ANK3: variants seen among roughly 807,000 people sequenced by gnomAD.
ANK3 encodes the protein ankyrin-3.
ANK3 carries 57 observed loss-of-function variants against 370.9 expected under a neutral mutation model. The observed-to-expected ratio is 0.15, with a 90% confidence interval of 0.12 to 0.19. ANK3 has a LOEUF of 0.19. ANK3 is among the 10% of genes least tolerant of loss of function. The pLI is 1.00. For synonymous variants in ANK3, 1,929 were observed against 1,946.3 expected, an observed-to-expected ratio of 0.99 and a Z score of 0.23; for missense variants, 4,439 against 5,302.1, an observed-to-expected ratio of 0.84 and a Z score of 5.06.
At chr10:60,338,379 A>G (rs1361204953) in intron 1 of ANK3, among the ~76,000 whole-genome samples, 1 of 152,180 alleles carries the variant, frequency 6.6e-6, no homozygotes, top group Admixed American at 6.6e-5. Flanking sequence ...GTTCTGATTC[A>G]ATACACCTGG....
At chr10:60,474,416 T>C (rs933931739) in intron 2 of ANK3, among the ~76,000 whole-genome samples, 2 of 152,094 alleles carry the variant, frequency 1.3e-5, no homozygotes, top group Non-Finnish European at 2.9e-5. Flanking sequence ...AAGAGAAGGC[T>C]GCCAAGAAGA....
chr10:60,097,165 G>C (rs969381595), intron 28 of ANK3, among the ~76,000 whole-genome samples: 16 of 152,222 alleles, frequency 1.1e-4, no homozygotes, highest in Non-Finnish European at 2.1e-4. Flanking sequence ...GAAGTTCAGA[G>C]AGGTGAAGTG....
At chr10:60,379,957 C>T (rs1475686576) in intron 1 of ANK3, among the ~76,000 whole-genome samples, 1 of 152,026 alleles carries the variant, frequency 6.6e-6, no homozygotes, top group Non-Finnish European at 1.5e-5. Context: ...AACATCACTA[C>T]TTACCTCATG....
intron 25 of ANK3, among the ~76,000 whole-genome samples, chr10:60,122,146 A>G (rs112851476): frequency 0.013 from 1,994 of 152,326 alleles, 27 homozygotes; most frequent in African/African-American, 0.044. Flanking sequence ...CGATTTTTCC[A>G]GTTTGAAAAG....
At position 60,172,889 on chromosome 10, in the gene ANK3, T is replaced by G; in HGVS notation, c.2382+11A>C. On this transcript the variant is annotated intron_variant, in intron 20 of 43. Coordinates refer to ENST00000280772, the MANE Select transcript of ANK3 (RefSeq NM_020987.5). Reference sequence around the variant, plus strand: ...CCTCCCTCTTCTCCTGAGCTGGCCCTGAGCGCTTACCACAGTGAGTTCATT... The same window carrying G: ...CCTCCCTCTTCTCCTGAGCTGGCCCGGAGCGCTTACCACAGTGAGTTCATT... The G allele has an allele frequency of 1.2e-6, 2 of 1,600,930 alleles. No individual in the cohort carries two copies. The highest frequency in any genetic ancestry group is 1.7e-6 in the Non-Finnish European group (2 of 1,168,578).
At chr10:60,097,146 T>C (rs984074017) in intron 28 of ANK3, among the ~76,000 whole-genome samples, 2 of 152,194 alleles carry the variant, frequency 1.3e-5, no homozygotes, top group Non-Finnish European at 2.9e-5. Flanking sequence ...TTTGGTAAAA[T>C]AGGTGTCTGA....
intron 1 of ANK3, among the ~76,000 whole-genome samples, chr10:60,299,565 T>C (rs538789614): frequency 1.3e-5 from 2 of 152,270 alleles, no homozygotes; most frequent in Non-Finnish European, 2.9e-5. Flanking sequence ...TGAAAGGATA[T>C]AGGTAGAAAC....
chr10:60,207,273 A>G (rs2096778242), intron 10 of ANK3, among the ~76,000 whole-genome samples: 1 of 152,190 alleles, frequency 6.6e-6, no homozygotes, highest in Non-Finnish European at 1.5e-5. Context: ...AGACAGGATG[A>G]CCGCACTCTT....
At chr10:60,206,114 C>T (rs920739874) in intron 10 of ANK3, among the ~76,000 whole-genome samples, 7 of 152,106 alleles carry the variant, frequency 4.6e-5, no homozygotes, top group African/African-American at 1.7e-4. Context: ...TTATTACACT[C>T]TCCTGGTTAG....
chr10:60,593,749 A>G (rs945297098), intron 2 of ANK3, among the ~76,000 whole-genome samples: 1 of 152,210 alleles, frequency 6.6e-6, no homozygotes, highest in Non-Finnish European at 1.5e-5. Flanking sequence ...GTTCAAGGGA[A>G]CTGTGGTGAA....
chr10:60,297,006 G>T (rs1490586388), intron 1 of ANK3, among the ~76,000 whole-genome samples: 1 of 152,052 alleles, frequency 6.6e-6, no homozygotes, highest in African/African-American at 2.4e-5. Flanking sequence ...AAATAAAAAA[G>T]TATGCAGTGT....
chr10:60,320,270 G>A lies in ANK3; in HGVS notation c.115-40631C>T, dbSNP rs536236398. Among the ~76,000 whole-genome samples, 57 of 152,314 alleles carry A rather than the reference G, an allele frequency of 3.7e-4. No individual in the cohort carries two copies. In the South Asian group the frequency reaches 7.2e-3, roughly 19 times the overall value. Reference sequence around the variant, plus strand: ...AGGCTGGATAAAGGAGGGAGCTCACGGCTCCAGCTCTCTCTGGTCTTGTAT... The same window carrying A: ...AGGCTGGATAAAGGAGGGAGCTCACAGCTCCAGCTCTCTCTGGTCTTGTAT... On this transcript the variant is annotated intron_variant, in intron 1 of 43. Coordinates refer to ENST00000280772, the MANE Select transcript of ANK3 (RefSeq NM_020987.5).
At chr10:60,409,399 T>C (rs1180977164) in intron 2 of ANK3, among the ~76,000 whole-genome samples, 1 of 152,218 alleles carries the variant, frequency 6.6e-6, no homozygotes, top group African/African-American at 2.4e-5. Flanking sequence ...TGGCGGAGAA[T>C]ATCAGTCTAT....
rs1211343169 is a variant in ANK3, at chr10:60,658,029, T to C, written c.58-42805A>G. Among the ~76,000 whole-genome samples the C allele has an allele frequency of 4.2e-4, 63 of 151,760 alleles. 1 individual carries two copies. The highest frequency in any genetic ancestry group is 8.5e-4 in the Admixed American group (13 of 15,220). The stretch of plus-strand genomic sequence containing the variant: ...TAGCCATTCCAACTTTTTTTTTTTT[T>C]TGCTGTTTCCATGGTGTATTATTTT... On this transcript the variant is annotated intron_variant, in intron 1 of 43. Transcript: ENST00000373827.
At chr10:60,443,354 G>A (rs993963328) in intron 2 of ANK3, among the ~76,000 whole-genome samples, 7 of 151,848 alleles carry the variant, frequency 4.6e-5, no homozygotes, top group African/African-American at 9.7e-5. Flanking sequence ...GGCTGAGGAT[G>A]GATCACTGCT....
In ANK3 at chr10:60,365,716, C is replaced by T. The variant is rs1367794170; in HGVS notation, c.114+23709G>A. On this transcript the variant is annotated intron_variant, in intron 1 of 43. Transcript: ENST00000280772. ...TTTTTCCAATGATCCCCTTGAGAGACGGATTATTGTTGTCTCTATCTTATA... is the reference window on the plus strand; with the variant it reads ...TTTTTCCAATGATCCCCTTGAGAGATGGATTATTGTTGTCTCTATCTTATA... Among the ~76,000 whole-genome samples the T allele has an allele frequency of 3.3e-5, 5 of 152,214 alleles. No homozygotes were observed. In the South Asian group the frequency reaches 6.2e-4, roughly 19 times the overall value.
At chr10:60,480,990 C>T (rs187079405) in intron 2 of ANK3, among the ~76,000 whole-genome samples, 10 of 152,224 alleles carry the variant, frequency 6.6e-5, no homozygotes, top group African/African-American at 1.7e-4. Context: ...GTGCACACAC[C>T]GACAGATGAT....
At chr10:60,494,130 G>T (rs2075594583) in intron 2 of ANK3, among the ~76,000 whole-genome samples, 1 of 152,048 alleles carries the variant, frequency 6.6e-6, no homozygotes, top group South Asian at 2.1e-4. Flanking sequence ...CAGATCCAAA[G>T]CCTGTCCTGC....
chr10:60,241,818 A>G (rs968124810), intron 7 of ANK3, among the ~76,000 whole-genome samples: 6 of 152,202 alleles, frequency 3.9e-5, no homozygotes, highest in Non-Finnish European at 7.3e-5. Context: ...AGGGAATCAC[A>G]TGTATACGCA....
Sources: allele counts gnomAD v4.1 joint callset (sites outside exome capture counted in the v4.1 genomes callset), GRCh38; gene constraint gnomAD v4.1.1; transcripts MANE v1.5; gene names NCBI Gene and HGNC (gene_info 2026-07-23, HGNC 2026-07-21).